Variants in RYR2 observed in about 807,000 individuals in gnomAD.
RYR2 encodes cardiac muscle ryanodine receptor-calcium release channel.
In RYR2, 227 loss-of-function variants were observed where a neutral mutation model predicts 601.1. That is an observed-to-expected ratio of 0.38 (90% CI 0.34 to 0.42). The LOEUF is 0.42. RYR2 is among the 10% of genes least tolerant of loss of function. RYR2 has a pLI of 1.00. For synonymous variants in RYR2, 2,223 were observed against 2,175.1 expected, an observed-to-expected ratio of 1.02 and a Z score of -0.61; for missense variants, 4,646 against 6,156.5, an observed-to-expected ratio of 0.75 and a Z score of 8.21.
chr1:237,714,988 TC>T (rs200509597), intron 71 of RYR2, among the ~76,000 whole-genome samples: 12 of 22,802 alleles, frequency 5.3e-4, no homozygotes, highest in South Asian at 3.0e-3. Context: ...CGAGACTCCA[TC>T]TCAAAAAAAA....
intron 100 of RYR2, among the ~76,000 whole-genome samples, chr1:237,813,682 G>C (rs1006074387): frequency 8.5e-5 from 13 of 152,196 alleles, no homozygotes; most frequent in African/African-American, 3.1e-4. Flanking sequence ...ACAGAAGACA[G>C]AGAAACTTGG....
intron 12 of RYR2, among the ~76,000 whole-genome samples, chr1:237,431,748 A>C (rs1466945860): frequency 6.6e-6 from 1 of 152,160 alleles, no homozygotes; most frequent in African/African-American, 2.4e-5. Context: ...AGGGCAGAAC[A>C]GTATCTGTTT....
At chr1:237,361,410 G>A (rs1052213466) in intron 4 of RYR2, among the ~76,000 whole-genome samples, 8 of 152,146 alleles carry the variant, frequency 5.3e-5, no homozygotes, top group Non-Finnish European at 1.0e-4. Flanking sequence ...CTAGCATCTT[G>A]ATACGTGGAG....
intron 1 of RYR2, among the ~76,000 whole-genome samples, chr1:237,178,504 A>G (rs2148939792): frequency 6.6e-6 from 1 of 151,278 alleles, no homozygotes; most frequent in East Asian, 1.9e-4. Flanking sequence ...AAGGTCATAG[A>G]GTTACAGCTT....
At chr1:237,141,729 A>G (rs1028371031) in intron 1 of RYR2, among the ~76,000 whole-genome samples, 20 of 152,242 alleles carry the variant, frequency 1.3e-4, no homozygotes, top group African/African-American at 3.9e-4. Context: ...TTTTAAGCTA[A>G]TTTTCTGGCT....
At chr1:237,434,208 G>A (rs1387537122) in intron 12 of RYR2, among the ~76,000 whole-genome samples, 1 of 152,116 alleles carries the variant, frequency 6.6e-6, no homozygotes, top group South Asian at 2.1e-4. Flanking sequence ...TTAAAGGTGA[G>A]ACTGGCTTTA....
At chr1:237,083,975 A>G (rs1283649376) in intron 1 of RYR2, among the ~76,000 whole-genome samples, 1 of 152,162 alleles carries the variant, frequency 6.6e-6, no homozygotes, top group Non-Finnish European at 1.5e-5. Context: ...TATGGCTACC[A>G]TATTGGACAG....
chr1:237,388,197 C>T lies in RYR2; in HGVS notation c.773+14C>T. 1 of 1,605,664 alleles carries T rather than the reference C, an allele frequency of 6.2e-7. No homozygotes were observed. The highest frequency in any genetic ancestry group is 8.5e-7 in the Non-Finnish European group (1 of 1,173,146). Reference sequence around the variant, plus strand: ...AGAGCAGCGGAGGTTAGTACCTGAGCTCATTGCATTGAGACTTGCACTCTT... The same window carrying T: ...AGAGCAGCGGAGGTTAGTACCTGAGTTCATTGCATTGAGACTTGCACTCTT... On this transcript the variant is annotated intron_variant, in intron 10 of 104. Coordinates refer to ENST00000366574, the MANE Select transcript of RYR2 (RefSeq NM_001035.3).
chr1:237,792,384 T>TGTGTGC, intron 94 of RYR2, 61 bp downstream of exon 94: 2 of 617,686 alleles, frequency 3.2e-6, no homozygotes, highest in Non-Finnish European at 2.4e-6. Flanking sequence ...TGTGTGTGCG[T>TGTGTGC]GTGTGTGTGT....
chr1:237,071,789 G>A (rs769483983), intron 1 of RYR2, among the ~76,000 whole-genome samples: 20 of 152,202 alleles, frequency 1.3e-4, no homozygotes, highest in Non-Finnish European at 2.6e-4. Flanking sequence ...TGTGCACACC[G>A]AGGGGTGCCT....
intron 101 of RYR2, among the ~76,000 whole-genome samples, chr1:237,828,069 G>A (rs577055228): frequency 1.3e-5 from 2 of 151,650 alleles, no homozygotes; most frequent in South Asian, 4.2e-4. Flanking sequence ...AATCTCAGCT[G>A]CTCTTTTTCG....
Position 237,649,930 on chromosome 1 carries a change from A to T in RYR2, c.7566A>T (p.Thr2522=). The T allele has an allele frequency of 6.2e-7, 1 of 1,613,998 alleles. No homozygotes were observed. The highest frequency in any genetic ancestry group is 1.1e-5 in the South Asian group (1 of 91,084). ...MALALNRYLC[T]AVLPLLTRCA... ...TGGCCCTCAATCGGTACCTTTGCACAGCCGTCTTGCCATTGTTAACAAGAT... is the reference window on the plus strand; with the variant it reads ...TGGCCCTCAATCGGTACCTTTGCACTGCCGTCTTGCCATTGTTAACAAGAT... Residue 2522 remains threonine (T), a synonymous_variant, in exon 50 of 105, where the codon ACA becomes ACT. Transcript: ENST00000366574.
At chr1:237,814,921 T>C (rs1335835907) in intron 100 of RYR2, among the ~76,000 whole-genome samples, 2 of 151,928 alleles carry the variant, frequency 1.3e-5, no homozygotes, top group African/African-American at 2.4e-5. Context: ...TCACTTACTT[T>C]ACCCTACTTT....
chr1:237,476,689 GA>G (rs2150343769), intron 17 of RYR2, among the ~76,000 whole-genome samples: 1 of 152,198 alleles, frequency 6.6e-6, no homozygotes, highest in East Asian at 1.9e-4. Context: ...TTTCAAAGAT[GA>G]AAAAGTTGTA....
intron 1 of RYR2, among the ~76,000 whole-genome samples, chr1:237,226,726 T>C (rs1476459803): frequency 1.3e-5 from 2 of 152,120 alleles, no homozygotes; most frequent in African/African-American, 4.8e-5. Context: ...GGTGTCATTT[T>C]AGAATGGAGT....
At chr1:237,210,204 A>G (rs1215409673) in intron 1 of RYR2, among the ~76,000 whole-genome samples, 1 of 148,992 alleles carries the variant, frequency 6.7e-6, no homozygotes, top group Non-Finnish European at 1.5e-5. Flanking sequence ...GCATTTTTAT[A>G]TCAATAAACT....
At chr1:237,042,630 G>C in intron 1 of RYR2, 61 bp downstream of exon 1, 4 of 1,244,388 alleles carry the variant, frequency 3.2e-6, no homozygotes, top group Non-Finnish European at 4.1e-6. Context: ...TCCACTAGCG[G>C]GGTCCGGGCA....
At chr1:237,795,834 G>GTGTATATATATATATGTATA (rs1396270564) in intron 96 of RYR2, among the ~76,000 whole-genome samples, 1 of 39,208 alleles carries the variant, frequency 2.6e-5, no homozygotes, top group Non-Finnish European at 4.4e-5. Flanking sequence ...ATGTGTGTGT[G>GTGTATATATATATATGTATA]TGTATATATA....
intron 100 of RYR2, among the ~76,000 whole-genome samples, chr1:237,815,433 A>G (rs1435893220): frequency 1.3e-5 from 2 of 152,222 alleles, no homozygotes. Context: ...CAGGTAGTAA[A>G]GGATGAAGCT....
Sources: allele counts gnomAD v4.1 joint callset (sites outside exome capture counted in the v4.1 genomes callset), GRCh38; gene constraint gnomAD v4.1.1; transcripts MANE v1.5; gene names NCBI Gene and HGNC (gene_info 2026-07-23, HGNC 2026-07-21).